The following CDK17 variants were observed in gnomAD, a reference collection of about 807,000 sequenced individuals.
The protein encoded by CDK17 is cyclin dependent kinase 17.
In CDK17, 24 loss-of-function variants were observed where a neutral mutation model predicts 77.6. The observed-to-expected ratio is 0.31, with a 90% CI of 0.22 to 0.44. CDK17 has a LOEUF of 0.44. Among genes scored for constraint, CDK17 ranks in the 20% least tolerant of loss-of-function variants. The pLI, the probability that CDK17 is intolerant of heterozygous loss-of-function variation, is 1.00. For missense variants in CDK17, 429 were observed against 622.5 expected (o/e 0.69, Z 3.31); for synonymous variants, 203 against 210.4 (o/e 0.96, Z 0.30).
At chr12:96,343,143 A>G (rs775613085) in intron 1 of CDK17, among the ~76,000 whole-genome samples, 29 of 152,266 alleles carry the variant, frequency 1.9e-4, no homozygotes, top group Non-Finnish European at 3.7e-4. Flanking sequence ...GTAAAATGTC[A>G]GAGAAGAATG....
chr12:96,288,919 A>G (rs573299772), intron 11 of CDK17, among the ~76,000 whole-genome samples: 1 of 152,316 alleles, frequency 6.6e-6, no homozygotes, highest in Non-Finnish European at 1.5e-5. Context: ...TACTATTCCC[A>G]TTTCCTTAAA....
chr12:96,293,957 T>G (rs1952362899), intron 10 of CDK17, among the ~76,000 whole-genome samples: 1 of 152,208 alleles, frequency 6.6e-6, no homozygotes. Context: ...CTTGAAATGA[T>G]AGGCTTCCTT....
intron 8 of CDK17, 30 bp downstream of exon 8, chr12:96,297,591 GTAAAGT>G: frequency 7.7e-7 from 1 of 1,305,836 alleles, no homozygotes; most frequent in South Asian, 1.3e-5. Flanking sequence ...TTTTTCTAAA[GTAAAGT>G]TAAATACTGA....
intron 1 of CDK17, among the ~76,000 whole-genome samples, chr12:96,349,474 A>C (rs1953278142): frequency 6.6e-6 from 1 of 151,758 alleles, no homozygotes; most frequent in Non-Finnish European, 1.5e-5. Flanking sequence ...AAAATCAACT[A>C]ATGTAATACA....
chr12:96,340,728 T>C (rs1328331680), intron 1 of CDK17, among the ~76,000 whole-genome samples: 2 of 152,180 alleles, frequency 1.3e-5, no homozygotes, highest in Admixed American at 6.5e-5. Flanking sequence ...TTTACTATAA[T>C]AGGGCAGTGC....
At chr12:96,360,588 G>C (rs1171708747) in intron 1 of CDK17, among the ~76,000 whole-genome samples, 3 of 152,112 alleles carry the variant, frequency 2.0e-5, no homozygotes, top group Non-Finnish European at 4.4e-5. Flanking sequence ...GACTCACCTA[G>C]TTTATATGAA....
intron 11 of CDK17, 85 bp from the exon 12 acceptor site, chr12:96,286,846 G>T: frequency 9.4e-7 from 1 of 1,063,908 alleles, no homozygotes. Context: ...TTGCCTCTCT[G>T]CAGAATTTTG....
rs1222579159 is a variant in CDK17 at position 96,394,812 on chromosome 12, GA to G, written c.-30+5173del. Among the ~76,000 whole-genome samples the G allele has an allele frequency of 2.2e-3, 287 of 132,292 alleles. 1 individual carries two copies. The highest frequency in any genetic ancestry group is 0.015 in the Middle Eastern group (4 of 266). The allele number at this position is 132,292 out of a possible 152,430, so 86.8% of individuals were successfully genotyped here. On this transcript the variant is annotated intron_variant, in intron 1 of 16. Transcript: ENST00000261211. ...AGACTCCGTCTCAAAAAAAAAAAAA[GA>G]AAAAAAAAAGGTAGACAAAAAATAT...
intron 1 of CDK17, among the ~76,000 whole-genome samples, chr12:96,347,169 A>G (rs1313782218): frequency 1.3e-5 from 2 of 152,150 alleles, no homozygotes; most frequent in African/African-American, 4.8e-5. Context: ...TTAAGCAAAA[A>G]CAGAATTGAA....
chr12:96,326,525 A>G (rs901524274), intron 2 of CDK17, among the ~76,000 whole-genome samples: 4 of 152,238 alleles, frequency 2.6e-5, no homozygotes, highest in Non-Finnish European at 5.9e-5. Context: ...CAGATAGAGA[A>G]AAAAGCTAAT....
At chr12:96,337,404 C>G (rs1953057206) in intron 1 of CDK17, among the ~76,000 whole-genome samples, 1 of 152,180 alleles carries the variant, frequency 6.6e-6, no homozygotes, top group African/African-American at 2.4e-5. Context: ...CTTGACTCTT[C>G]AAGTGTTGAT....
intron 1 of CDK17, among the ~76,000 whole-genome samples, chr12:96,341,318 T>TACACACAC (rs10656968): frequency 0.094 from 14,044 of 148,686 alleles, 752 homozygotes; most frequent in South Asian, 0.15. Context: ...ATCATATACA[T>TACACACAC]ACACACACAC....
chr12:96,302,471 CATT>C (rs1952520974), intron 5 of CDK17, among the ~76,000 whole-genome samples: 1 of 152,038 alleles, frequency 6.6e-6, no homozygotes. Context: ...GGAACTACCG[CATT>C]TTTGCCATGA....
intron 1 of CDK17, among the ~76,000 whole-genome samples, chr12:96,358,720 G>C (rs1260717573): frequency 1.3e-5 from 2 of 152,050 alleles, no homozygotes; most frequent in Non-Finnish European, 2.9e-5. Context: ...AGCTACTCAG[G>C]AGGCTGAGGC....
intron 1 of CDK17, among the ~76,000 whole-genome samples, chr12:96,397,343 A>G (rs1188924752): frequency 6.6e-6 from 1 of 152,148 alleles, no homozygotes; most frequent in Non-Finnish European, 1.5e-5. Context: ...TGGTATATGA[A>G]GCTGCAATAC....
At chr12:96,358,840 ACCCC>A (rs1953449260) in intron 1 of CDK17, among the ~76,000 whole-genome samples, 1 of 16,796 alleles carries the variant, frequency 6.0e-5, no homozygotes, top group African/African-American at 2.5e-4. Context: ...GCCCGCCCCC[ACCCC>A]ACCCCACCCC....
chr12:96,384,552 C>T (rs1463515751), intron 1 of CDK17, among the ~76,000 whole-genome samples: 1 of 152,160 alleles, frequency 6.6e-6, no homozygotes, highest in Non-Finnish European at 1.5e-5. Context: ...ATGGTATATA[C>T]ACACCATGGA....
intron 5 of CDK17, among the ~76,000 whole-genome samples, chr12:96,306,789 T>C (rs1952582579): frequency 6.6e-6 from 1 of 152,152 alleles, no homozygotes; most frequent in Non-Finnish European, 1.5e-5. Context: ...TTTCCATCCA[T>C]CCCTAACTTT....
intron 11 of CDK17, among the ~76,000 whole-genome samples, chr12:96,288,135 T>C (rs998276408): frequency 7.9e-5 from 12 of 152,218 alleles, no homozygotes; most frequent in African/African-American, 2.9e-4. Flanking sequence ...AATATAAATG[T>C]ACTTAATGTC....
Sources: gnomAD v4.1 joint callset for allele counts (sites outside exome capture counted in the v4.1 genomes callset) on GRCh38, gnomAD v4.1.1 for gene constraint, MANE v1.5 for transcripts, NCBI Gene and HGNC (gene_info 2026-07-23, HGNC 2026-07-21) for gene names.